The following DNAH11 variants were observed in gnomAD, a reference collection of about 807,000 sequenced individuals.
The protein encoded by DNAH11 is axonemal beta dynein heavy chain 11.
DNAH11 carries 442 observed loss-of-function variants against 526.0 expected under a neutral mutation model. That is an observed-to-expected ratio of 0.84 (90% CI 0.78 to 0.91). The LOEUF (loss-of-function observed/expected upper bound fraction) is 0.91. Ranked by LOEUF, DNAH11 falls within the 40% of genes least tolerant of loss-of-function variation. The pLI, the probability that DNAH11 is intolerant of heterozygous loss-of-function variation, is 0.00. For missense variants in DNAH11, 6,989 were observed against 5,448.7 expected, an observed-to-expected ratio of 1.28 and a Z score of -8.90; for synonymous variants, 2,461 against 1,935.9, an observed-to-expected ratio of 1.27 and a Z score of -7.12.
At chr7:21,649,982 T>C (rs917080914) in intron 28 of DNAH11, among the ~76,000 whole-genome samples, 3 of 152,088 alleles carry the variant, frequency 2.0e-5, no homozygotes, top group Non-Finnish European at 4.4e-5. Flanking sequence ...TATTCCTTAA[T>C]CTTGTGGTAA....
At chr7:21,711,171 G>A (rs1258746580) in intron 41 of DNAH11, among the ~76,000 whole-genome samples, 2 of 152,132 alleles carry the variant, frequency 1.3e-5, no homozygotes, top group African/African-American at 2.4e-5. Context: ...AAAAGGTGAC[G>A]GTACAGGTCT....
At chr7:21,680,114 T>C (rs1783078529) in intron 30 of DNAH11, among the ~76,000 whole-genome samples, 1 of 152,200 alleles carries the variant, frequency 6.6e-6, no homozygotes, top group Admixed American at 6.6e-5. Context: ...CCCTTCTTAT[T>C]CCAGCTGTAT....
chr7:21,745,165 G>T, intron 51 of DNAH11, 102 bp downstream of exon 51: 1 of 1,149,304 alleles, frequency 8.7e-7, no homozygotes, highest in East Asian at 2.6e-5. Flanking sequence ...TGAACCATCA[G>T]TTCTTATCTG....
chr7:21,715,445 C>T (rs1229823136), intron 42 of DNAH11, among the ~76,000 whole-genome samples: 1 of 152,200 alleles, frequency 6.6e-6, no homozygotes, highest in African/African-American at 2.4e-5. Flanking sequence ...TAAGATGATA[C>T]ATTGGGGCAT....
intron 64 of DNAH11, among the ~76,000 whole-genome samples, chr7:21,817,506 C>A (rs1347165060): frequency 1.5e-5 from 2 of 132,426 alleles, no homozygotes; most frequent in African/African-American, 5.7e-5. Context: ...CATAGTGAGA[C>A]CCCCATCTCT....
chr7:21,562,314 T>C (rs1783494396), intron 5 of DNAH11, among the ~76,000 whole-genome samples: 1 of 152,234 alleles, frequency 6.6e-6, no homozygotes, highest in African/African-American at 2.4e-5. Context: ...CATAAATGTC[T>C]CCAGACATGG....
At chr7:21,627,657 A>G (rs1306854862) in intron 25 of DNAH11, among the ~76,000 whole-genome samples, 1 of 152,198 alleles carries the variant, frequency 6.6e-6, no homozygotes, top group Non-Finnish European at 1.5e-5. Flanking sequence ...TTATGCCAGT[A>G]CTATGCTGAT....
At chr7:21,574,559 C>T (rs1413714673) in intron 8 of DNAH11, among the ~76,000 whole-genome samples, 4 of 129,716 alleles carry the variant, frequency 3.1e-5, no homozygotes, top group African/African-American at 6.2e-5. Flanking sequence ...TCCCTCCCTT[C>T]CTTCCTTTTT....
rs1339957143 is a variant in DNAH11 at position 21,683,857 on chromosome 7, T to C, written c.5534T>C (p.Phe1845Ser). 1.2e-6 allele frequency: 2 copies of C among 1,613,618 alleles called. No homozygotes were observed. Among genetic ancestry groups the C allele is most frequent in the Non-Finnish European group, 1.7e-6 (2 of 1,179,722 alleles). ...TGGGAGGATACCCAGAAACACTGCT[T>C]TGTTAATATTTGTGATGCCCAGTTC... ...HRWEDTQKHCFVNICDAQFQY... is the reference protein window; with the variant it reads ...HRWEDTQKHCSVNICDAQFQY... The change falls in exon 32 of 82, where the codon TTT becomes TCT. Residue 1845 changes from phenylalanine (F) to serine (S), a missense_variant. By Grantham distance (155) the Phe-to-Ser change is radical. Coordinates refer to ENST00000409508, the MANE Select transcript of DNAH11 (RefSeq NM_001277115.2).
chr7:21,717,662 C>A, intron 42 of DNAH11, 113 bp from the exon 43 acceptor site: 2 of 1,253,564 alleles, frequency 1.6e-6, no homozygotes, highest in South Asian at 1.5e-5. Context: ...ACTCACTAAA[C>A]GTGTCCTTGA....
chr7:21,685,626 A>T (rs1783340326), intron 32 of DNAH11, among the ~76,000 whole-genome samples: 2 of 152,076 alleles, frequency 1.3e-5, no homozygotes, highest in African/African-American at 2.4e-5. Context: ...CCATATGTGG[A>T]TGGGTTCAGA....
At chr7:21,677,931 C>T (rs948954642) in intron 30 of DNAH11, among the ~76,000 whole-genome samples, 8 of 152,018 alleles carry the variant, frequency 5.3e-5, no homozygotes, top group Admixed American at 1.3e-4. Flanking sequence ...TATTTGTTGC[C>T]GTTGAGTTGT....
At chr7:21,781,368 G>A (rs370721259) in intron 57 of DNAH11, among the ~76,000 whole-genome samples, 11 of 152,176 alleles carry the variant, frequency 7.2e-5, no homozygotes, top group African/African-American at 2.4e-4. Flanking sequence ...AATCAAGGGC[G>A]ATTTGAACCA....
intron 18 of DNAH11, among the ~76,000 whole-genome samples, chr7:21,602,064 G>A (rs929100572): frequency 2.0e-5 from 3 of 151,978 alleles, no homozygotes; most frequent in Non-Finnish European, 4.4e-5. Context: ...AATAGGCCAG[G>A]CGTGGTGGCT....
At position 21,841,829 on chromosome 7, in the gene DNAH11, A is replaced by G. The variant is rs1033249027; in HGVS notation, c.10692-715A>G. Among the ~76,000 whole-genome samples, 3 of 152,322 alleles carry G rather than the reference A, an allele frequency of 2.0e-5. No homozygotes were observed. The South Asian group carries it at 6.2e-4, about 32-fold the overall frequency. On this transcript the variant is annotated intron_variant, in intron 65 of 81. Coordinates refer to ENST00000409508, the MANE Select transcript of DNAH11 (RefSeq NM_001277115.2). ...GCACGACACTGAACATTGCACTACA[A>G]AAGCCCTTCTCAAGCCTGCCAGATC...
At chr7:21,561,012 A>T (rs1302777864) in intron 4 of DNAH11, 59 bp from the exon 5 acceptor site, 2 of 1,125,622 alleles carry the variant, frequency 1.8e-6, no homozygotes, top group Non-Finnish European at 2.6e-6. Flanking sequence ...TACAGAATGC[A>T]TGTATTTAGT....
intron 65 of DNAH11, among the ~76,000 whole-genome samples, chr7:21,837,368 A>G (rs908677720): frequency 2.0e-5 from 3 of 152,196 alleles, no homozygotes; most frequent in African/African-American, 7.2e-5. Flanking sequence ...AGTATGGTAT[A>G]TATACACAAT....
At chr7:21,591,618 T>A in intron 14 of DNAH11, 41 bp downstream of exon 14, 1 of 1,496,054 alleles carries the variant, frequency 6.7e-7, no homozygotes, top group African/African-American at 1.4e-5. Context: ...GATCTTTTCA[T>A]TGAGTTCAGA....
intron 73 of DNAH11, among the ~76,000 whole-genome samples, chr7:21,871,852 G>A (rs554856188): frequency 3.1e-4 from 47 of 151,556 alleles, no homozygotes; most frequent in African/African-American, 1.1e-3. Context: ...GCAGGATGGG[G>A]TGGCTCAAGC....
Sources: gnomAD v4.1 joint callset for allele counts (sites outside exome capture counted in the v4.1 genomes callset) on GRCh38, gnomAD v4.1.1 for gene constraint, MANE v1.5 for transcripts, NCBI Gene and HGNC (gene_info 2026-07-23, HGNC 2026-07-21) for gene names.